The following PPME1 variants were observed in gnomAD, a reference collection of about 807,000 sequenced individuals.
PPME1 encodes the protein testicular secretory protein Li 39.
A neutral mutation model predicts 56.9 loss-of-function variants in PPME1; 17 were observed. The observed-to-expected ratio is 0.30, with a 90% CI of 0.20 to 0.45. The LOEUF is 0.45. PPME1 is among the 20% of genes least tolerant of loss of function. The pLI is 1.00. For synonymous variants in PPME1, 122 were observed against 156.2 expected, an observed-to-expected ratio of 0.78 and a Z score of 1.63; for missense variants, 357 against 483.2, an observed-to-expected ratio of 0.74 and a Z score of 2.45.
In PPME1 at chr11:74,246,946, A is replaced by G. The variant is rs1024291726; in HGVS notation, c.965-133A>G. On this transcript the variant is annotated intron_variant, in intron 10 of 13. Transcript: ENST00000328257. ...ACCTGAAAAGTTTTATCTGGTGGTGAGAGTATGCTCTGGGAGTTAGGATTG... is the reference window on the plus strand; with the variant it reads ...ACCTGAAAAGTTTTATCTGGTGGTGGGAGTATGCTCTGGGAGTTAGGATTG... 1.3e-5 allele frequency: 10 copies of G among 743,600 alleles called. No individual in the cohort carries two copies. In the African/African-American group the frequency reaches 1.6e-4, roughly 12 times the overall value. The allele number at this position is 743,600 out of a possible 1,614,324, so 46.1% of individuals were successfully genotyped here.
At chr11:74,209,197 C>G (rs965792186) in intron 3 of PPME1, among the ~76,000 whole-genome samples, 18 of 152,154 alleles carry the variant, frequency 1.2e-4, no homozygotes, top group Non-Finnish European at 2.9e-5. Flanking sequence ...ACCTTGACCT[C>G]CTGGGCTCAA....
chr11:74,200,453 C>T (rs1227880070), intron 1 of PPME1, among the ~76,000 whole-genome samples: 1 of 152,016 alleles, frequency 6.6e-6, no homozygotes, highest in East Asian at 1.9e-4. Flanking sequence ...ACGATTTTGA[C>T]TCACTGCAAC....
intron 3 of PPME1, among the ~76,000 whole-genome samples, chr11:74,215,195 A>G (rs1858598061): frequency 6.6e-6 from 1 of 152,006 alleles, no homozygotes; most frequent in African/African-American, 2.4e-5. Context: ...CAAAAAATTG[A>G]CTAAGTGTAG....
In PPME1 at chr11:74,234,151, T is replaced by C. The variant is rs183178054; in HGVS notation, c.645-1750T>C. Among the ~76,000 whole-genome samples, 3 of 152,154 alleles carry C rather than the reference T, an allele frequency of 2.0e-5. No homozygotes were observed. In the East Asian group the frequency reaches 5.8e-4, roughly 29 times the overall value. On this transcript the variant is annotated intron_variant, in intron 7 of 13. Transcript: ENST00000328257. ...ACTTCTAGGTTTTTAGCCCAAGCAATTGGGTGAATGGTAGAAACAGAAAGA... is the reference window on the plus strand; with the variant it reads ...ACTTCTAGGTTTTTAGCCCAAGCAACTGGGTGAATGGTAGAAACAGAAAGA...
At chr11:74,235,785 G>A in intron 7 of PPME1, 116 bp from the exon 8 acceptor site, 1 of 1,482,972 alleles carries the variant, frequency 6.7e-7, no homozygotes. Context: ...AGAAACACTG[G>A]TGATCACTAC....
intron 1 of PPME1, among the ~76,000 whole-genome samples, chr11:74,196,876 G>A (rs992222215): frequency 1.3e-5 from 2 of 152,184 alleles, no homozygotes. Flanking sequence ...TATCAGGATA[G>A]CTGGAAGCTC....
chr11:74,216,461 C>T (rs756587136), intron 3 of PPME1, among the ~76,000 whole-genome samples: 1 of 152,034 alleles, frequency 6.6e-6, no homozygotes, highest in Non-Finnish European at 1.5e-5. Context: ...GGAAACACAA[C>T]ATACCAAAGC....
At chr11:74,183,955 T>C (rs1219298563) in intron 1 of PPME1, among the ~76,000 whole-genome samples, 4 of 152,164 alleles carry the variant, frequency 2.6e-5, no homozygotes, top group Non-Finnish European at 4.4e-5. Context: ...CTGAATTTAA[T>C]AGAGAAGTAA....
chr11:74,177,330 T>C (rs1857424368), intron 1 of PPME1, among the ~76,000 whole-genome samples: 1 of 151,792 alleles, frequency 6.6e-6, no homozygotes, highest in African/African-American at 2.4e-5. Flanking sequence ...GGTGTGGTGG[T>C]GTGTGCCTGT....
In PPME1 at chr11:74,207,351, A is replaced by G. The variant is rs1858353840; in HGVS notation, c.288+2906A>G. Among the ~76,000 whole-genome samples, 4 of 152,362 alleles carry G rather than the reference A, an allele frequency of 2.6e-5. No homozygotes were observed. In the South Asian group the frequency reaches 8.3e-4, roughly 32 times the overall value. On this transcript the variant is annotated intron_variant, in intron 3 of 13. Coordinates refer to ENST00000328257, the MANE Select transcript of PPME1 (RefSeq NM_016147.3). Reference sequence around the variant, plus strand: ...TTGGGAGGGAAAATCCCCCAAATCCAGATTCACCAGAAGTTCTATTATGTA... The same window carrying G: ...TTGGGAGGGAAAATCCCCCAAATCCGGATTCACCAGAAGTTCTATTATGTA...
At chr11:74,179,399 A>G (rs1012663877) in intron 1 of PPME1, among the ~76,000 whole-genome samples, 4 of 152,178 alleles carry the variant, frequency 2.6e-5, no homozygotes, top group Admixed American at 1.3e-4. Flanking sequence ...AGAGACTGAG[A>G]TGGGAGAATC....
chr11:74,187,997 GC>G (rs547327563), intron 1 of PPME1, among the ~76,000 whole-genome samples: 7 of 152,268 alleles, frequency 4.6e-5, no homozygotes, highest in African/African-American at 9.6e-5. Context: ...TGTGTTGCTT[GC>G]CGGCTTTAAA....
chr11:74,248,826 G>A (rs1859577633), intron 11 of PPME1: 1 of 152,202 alleles, frequency 6.6e-6, no homozygotes, highest in African/African-American at 2.4e-5. Context: ...GAGACTGCCT[G>A]AAGGCAGTTG....
At position 74,246,313 on chromosome 11, in the gene PPME1, G is replaced by A. The variant is rs997916284; in HGVS notation, c.964+108G>A. The A allele has an allele frequency of 1.3e-5, 16 of 1,197,700 alleles. No individual in the cohort carries two copies. The African/African-American group carries it at 2.2e-4, about 17-fold the overall frequency. The allele number at this position is 1,197,700 out of a possible 1,614,324, so 74.2% of individuals were successfully genotyped here. ...TTATTTTCTCACAGTTCTGGAGGCT[G>A]GAAGTCTGAGATCAGGGTGCCAGCA... On this transcript the variant is annotated intron_variant, in intron 10 of 13. Transcript: ENST00000328257.
chr11:74,228,338 C>G (rs987594909), intron 5 of PPME1, among the ~76,000 whole-genome samples: 1 of 152,050 alleles, frequency 6.6e-6, no homozygotes, highest in African/African-American at 2.4e-5. Context: ...CACATATTAT[C>G]GAATCTTTGT....
intron 1 of PPME1, among the ~76,000 whole-genome samples, chr11:74,199,020 G>A (rs1353604915): frequency 6.6e-6 from 1 of 152,142 alleles, no homozygotes; most frequent in Admixed American, 6.5e-5. Flanking sequence ...CAAAAATACT[G>A]TACTATTCCC....
chr11:74,189,340 T>C (rs1857774243), intron 1 of PPME1, among the ~76,000 whole-genome samples: 1 of 152,110 alleles, frequency 6.6e-6, no homozygotes, highest in African/African-American at 2.4e-5. Flanking sequence ...CCCAGGCTGA[T>C]GTGCAGTGGC....
At chr11:74,239,573 C>CTTTT (rs756708278) in intron 9 of PPME1, among the ~76,000 whole-genome samples, 6 of 125,460 alleles carry the variant, frequency 4.8e-5, no homozygotes, top group Admixed American at 7.9e-5. Flanking sequence ...TCATCCAGAT[C>CTTTT]TTTTTTTTTT....
chr11:74,234,712 G>A (rs928725904), intron 7 of PPME1, among the ~76,000 whole-genome samples: 1 of 152,226 alleles, frequency 6.6e-6, no homozygotes, highest in East Asian at 1.9e-4. Context: ...AGTAGAGAAA[G>A]CAAGATAACT....
Sources: allele counts gnomAD v4.1 joint callset (sites outside exome capture counted in the v4.1 genomes callset), GRCh38; gene constraint gnomAD v4.1.1; transcripts MANE v1.5; gene names NCBI Gene and HGNC (gene_info 2026-07-23, HGNC 2026-07-21).